GRID2: variants seen among roughly 807,000 people sequenced by gnomAD.
GRID2 encodes glutamate ionotropic receptor delta type subunit 2, also known as glutamate receptor ionotropic, delta-2.
Under a neutral mutation model 114.8 loss-of-function variants are expected in GRID2, and 33 were observed. That is an observed-to-expected ratio of 0.29 (90% confidence interval 0.22 to 0.38). The LOEUF is 0.38. GRID2 is among the 10% of genes least tolerant of loss of function. The pLI is 1.00. For synonymous variants in GRID2, 505 were observed against 449.9 expected (o/e 1.12, Z -1.55); for missense variants, 1,184 against 1,257.7 (o/e 0.94, Z 0.89).
chr4:93,443,915 GAC>G (rs767331046), intron 10 of GRID2, among the ~76,000 whole-genome samples: 7 of 145,334 alleles, frequency 4.8e-5, no homozygotes, highest in Non-Finnish European at 8.9e-5. Context: ...GAGAGAGAGA[GAC>G]ATCTTTCTTG....
At chr4:92,735,113 T>C (rs932628268) in intron 2 of GRID2, among the ~76,000 whole-genome samples, 3 of 152,072 alleles carry the variant, frequency 2.0e-5, no homozygotes, top group Non-Finnish European at 4.4e-5. Flanking sequence ...TTTAGAATGT[T>C]AGTATTGAAC....
intron 1 of GRID2, among the ~76,000 whole-genome samples, chr4:92,344,487 C>G (rs1443168401): frequency 6.6e-6 from 1 of 152,008 alleles, no homozygotes; most frequent in Non-Finnish European, 1.5e-5. Context: ...TATCTTTTTC[C>G]TTACAAACTT....
chr4:92,533,369 T>C lies in GRID2; in HGVS notation c.89-56762T>C, dbSNP rs1277314492. 3.3e-5 allele frequency among the ~76,000 whole-genome samples: 5 copies of C among 152,112 alleles called. No homozygotes were observed. In the South Asian group the frequency reaches 1.0e-3, roughly 32 times the overall value. ...GCTTTTGTCCAAGAAAAAAAAGCAGTTGGCTTTTAACAATACAGAAATCAT... is the reference window on the plus strand; with the variant it reads ...GCTTTTGTCCAAGAAAAAAAAGCAGCTGGCTTTTAACAATACAGAAATCAT... On this transcript the variant is annotated intron_variant, in intron 1 of 15. Transcript: ENST00000282020.
exon 2 of GRID2, chr4:93,806,825 T>C (rs1322770531): frequency 2.0e-5 from 3 of 152,240 alleles, no homozygotes; most frequent in Non-Finnish European, 4.4e-5. Flanking sequence ...CATCCAGTCA[T>C]AGCCTGCACC....
chr4:93,438,809 T>A (rs890619215), intron 10 of GRID2, among the ~76,000 whole-genome samples: 1 of 151,996 alleles, frequency 6.6e-6, no homozygotes, highest in Non-Finnish European at 1.5e-5. Flanking sequence ...ATTAGGTATA[T>A]CTCCTAATGC....
intron 2 of GRID2, among the ~76,000 whole-genome samples, chr4:92,697,972 A>G (rs1221963532): frequency 6.6e-6 from 1 of 152,170 alleles, no homozygotes; most frequent in African/African-American, 2.4e-5. Flanking sequence ...GTTGTTTGCC[A>G]TTTTAATTTT....
intron 8 of GRID2, among the ~76,000 whole-genome samples, chr4:93,254,489 G>A (rs933991925): frequency 5.3e-5 from 8 of 152,088 alleles, no homozygotes; most frequent in Non-Finnish European, 1.0e-4. Flanking sequence ...ACTATGGGGA[G>A]TTTTATTGCT....
At chr4:92,584,460 A>C (rs1728328573) in intron 1 of GRID2, among the ~76,000 whole-genome samples, 1 of 152,006 alleles carries the variant, frequency 6.6e-6, no homozygotes, top group African/African-American at 2.4e-5. Context: ...GCTCTGCAGA[A>C]CTGTAAATCC....
intron 8 of GRID2, among the ~76,000 whole-genome samples, chr4:93,298,895 C>A (rs1754584919): frequency 6.6e-6 from 1 of 152,094 alleles, no homozygotes; most frequent in Non-Finnish European, 1.5e-5. Context: ...TCTTCAGAAG[C>A]TAGGGTTTTT....
At chr4:93,370,476 GAC>G (rs201475954) in intron 8 of GRID2, among the ~76,000 whole-genome samples, 13,515 of 139,254 alleles carry the variant, frequency 0.097, 786 homozygotes, top group African/African-American at 0.18. Flanking sequence ...CGCACACAGA[GAC>G]ACACACACAC....
At chr4:92,598,604 CTA>C (rs1404115450) in intron 2 of GRID2, among the ~76,000 whole-genome samples, 1 of 152,020 alleles carries the variant, frequency 6.6e-6, no homozygotes, top group East Asian at 1.9e-4. Flanking sequence ...GAATTCTGCT[CTA>C]TGTCTTATTA....
intron 1 of GRID2, among the ~76,000 whole-genome samples, chr4:92,485,301 C>CATATATAT (rs34583484): frequency 1.1e-3 from 62 of 56,556 alleles, no homozygotes; most frequent in South Asian, 1.5e-3. Flanking sequence ...AAGGTGTGTG[C>CATATATAT]ATATATATAT....
At chr4:93,311,691 G>A (rs997577977) in intron 8 of GRID2, among the ~76,000 whole-genome samples, 4 of 152,306 alleles carry the variant, frequency 2.6e-5, no homozygotes, top group Non-Finnish European at 4.4e-5. Context: ...ATTCAGTGGA[G>A]ATTGTAAAGT....
intron 14 of GRID2, among the ~76,000 whole-genome samples, chr4:93,768,148 A>G (rs774448572): frequency 1.3e-5 from 2 of 152,158 alleles, no homozygotes; most frequent in Non-Finnish European, 2.9e-5. Context: ...TCCACCCTAT[A>G]GAGCTATGGT....
intron 2 of GRID2, among the ~76,000 whole-genome samples, chr4:92,963,035 T>C (rs757927249): frequency 6.6e-6 from 1 of 152,010 alleles, no homozygotes; most frequent in African/African-American, 2.4e-5. Flanking sequence ...CTCTTAAGTA[T>C]GCAATAGCAC....
chr4:93,792,209 C>T (rs144417538), intron 1 of GRID2, among the ~76,000 whole-genome samples: 3 of 152,168 alleles, frequency 2.0e-5, no homozygotes, highest in Admixed American at 6.5e-5. Context: ...AAAACAAAGA[C>T]TTTTGTCAGC....
chr4:93,393,254 G>A (rs1420329178), intron 8 of GRID2, among the ~76,000 whole-genome samples: 6 of 151,844 alleles, frequency 4.0e-5, no homozygotes, highest in Non-Finnish European at 7.4e-5. Flanking sequence ...GAAGAACTAA[G>A]TAAATGGAAC....
intron 1 of GRID2, among the ~76,000 whole-genome samples, chr4:92,516,110 T>C (rs754793241): frequency 2.0e-5 from 3 of 151,884 alleles, no homozygotes; most frequent in Non-Finnish European, 4.4e-5. Flanking sequence ...AACTCAAATA[T>C]TTTGTTTGAA....
intron 1 of GRID2, among the ~76,000 whole-genome samples, chr4:92,372,620 G>C (rs559109070): frequency 6.6e-6 from 1 of 152,240 alleles, no homozygotes; most frequent in South Asian, 2.1e-4. Flanking sequence ...CTAAAACTTT[G>C]TGTGACTGAC....
Sources: gnomAD v4.1 joint callset for allele counts (sites outside exome capture counted in the v4.1 genomes callset) on GRCh38, gnomAD v4.1.1 for gene constraint, MANE v1.5 for transcripts, NCBI Gene and HGNC (gene_info 2026-07-23, HGNC 2026-07-21) for gene names.